OOSP1: variants seen among roughly 807,000 people sequenced by gnomAD.
OOSP1 encodes oocyte secreted protein 1, also known as putative oocyte-secreted protein 1 homolog.
OOSP1 carries 11 observed loss-of-function variants against 5.7 expected under a neutral mutation model. The observed-to-expected ratio is 1.94, with a 90% CI of 1.22 to 3.20. The LOEUF (loss-of-function observed/expected upper bound fraction) is 3.20. Ranked by LOEUF, OOSP1 falls within the 30% of genes most tolerant of loss-of-function variation. The pLI, the probability that OOSP1 is intolerant of heterozygous loss-of-function variation, is 0.00. For synonymous variants in OOSP1, 44 were observed against 20.0 expected (o/e 2.20, Z -3.20); for missense variants, 83 against 54.1 (o/e 1.53, Z -1.67).
intron 4 of OOSP1, among the ~76,000 whole-genome samples, chr11:59,956,912 C>T (rs2134577910): frequency 6.6e-6 from 1 of 151,492 alleles, no homozygotes; most frequent in South Asian, 2.1e-4. Flanking sequence ...GAGTAGTATT[C>T]CATTATATAT....
At chr11:59,948,468 A>G (rs948490134) in intron 4 of OOSP1, among the ~76,000 whole-genome samples, 9 of 152,224 alleles carry the variant, frequency 5.9e-5, no homozygotes, top group African/African-American at 2.2e-4. Flanking sequence ...CTTAGAGGGC[A>G]AAAGTATCCT....
At chr11:59,943,453 C>G (rs1435554096) in intron 2 of OOSP1, among the ~76,000 whole-genome samples, 1 of 152,106 alleles carries the variant, frequency 6.6e-6, no homozygotes, top group South Asian at 2.1e-4. Flanking sequence ...TATGGCTAGA[C>G]TCTTTAATGA....
chr11:59,950,871 G>A (rs1013856649), intron 4 of OOSP1, among the ~76,000 whole-genome samples: 3 of 151,890 alleles, frequency 2.0e-5, no homozygotes, highest in African/African-American at 7.3e-5. Flanking sequence ...TATAAGATAA[G>A]TACCTGCACA....
intron 1 of OOSP1, among the ~76,000 whole-genome samples, chr11:59,939,711 CCTCTTT>C (rs1248691190): frequency 3.3e-5 from 5 of 151,106 alleles, no homozygotes; most frequent in Admixed American, 6.6e-5. Context: ...CTCTTCCCTT[CCTCTTT>C]CTCTTTCTCT....
chr11:59,946,086 G>T (rs192171792), intron 3 of OOSP1, among the ~76,000 whole-genome samples: 1 of 152,142 alleles, frequency 6.6e-6, no homozygotes. Context: ...GTGGTCCCTT[G>T]CCTGTCAGGA....
At chr11:59,950,071 T>A (rs1853923867) in intron 4 of OOSP1, among the ~76,000 whole-genome samples, 1 of 152,140 alleles carries the variant, frequency 6.6e-6, no homozygotes, top group Admixed American at 6.6e-5. Context: ...AGATGTAGCA[T>A]GGATTTCATA....
chr11:59,939,786 C>CTTTTGT (rs1853806791), intron 1 of OOSP1, among the ~76,000 whole-genome samples: 2 of 149,672 alleles, frequency 1.3e-5, no homozygotes, highest in South Asian at 4.2e-4. Flanking sequence ...CTTTCTCTTT[C>CTTTTGT]TTTTCTTTTT....
intron 4 of OOSP1, among the ~76,000 whole-genome samples, chr11:59,954,598 C>A (rs1234874465): frequency 6.6e-6 from 1 of 151,938 alleles, no homozygotes; most frequent in Non-Finnish European, 1.5e-5. Context: ...GAAGTTCAGT[C>A]CATTTTCCAC....
chr11:59,945,540 G>A (rs1785048189), intron 3 of OOSP1, among the ~76,000 whole-genome samples: 1 of 151,188 alleles, frequency 6.6e-6, no homozygotes, highest in Non-Finnish European at 1.5e-5. Flanking sequence ...AGAAGATCGG[G>A]ACCATCCTGG....
intron 1 of OOSP1, among the ~76,000 whole-genome samples, chr11:59,941,446 C>T (rs1853824086): frequency 1.3e-5 from 2 of 151,888 alleles, no homozygotes; most frequent in African/African-American, 2.4e-5. Flanking sequence ...GTGGCACCAT[C>T]TCGGCTCACT....
intron 4 of OOSP1, chr11:59,948,679 T>G (rs1261152075): frequency 2.5e-6 from 1 of 397,718 alleles, no homozygotes; most frequent in Non-Finnish European, 4.4e-6. Context: ...GACGTATATT[T>G]TACTGTCTTT....
chr11:59,955,437 C>A (rs1429805946), intron 4 of OOSP1, among the ~76,000 whole-genome samples: 2 of 151,776 alleles, frequency 1.3e-5, no homozygotes, highest in Non-Finnish European at 2.9e-5. Context: ...GTAAGATATT[C>A]AGGGAAAATA....
rs67604320 is a variant in OOSP1 at position 59,945,750 on chromosome 11, C to CAA, written c.356+510_356+511dup. 7.1e-3 allele frequency among the ~76,000 whole-genome samples: 326 copies of CAA among 45,824 alleles called. 37 individuals are homozygous for CAA. Among genetic ancestry groups the CAA allele is most frequent in the African/African-American group, 0.012 (119 of 10,220 alleles). 30.1% of individuals were successfully genotyped at this position (45,824 alleles called of 152,430 possible). A position where few individuals can be genotyped will look rare whatever the true frequency, so the allele number is the denominator to read the frequency against. On this transcript the variant is annotated intron_variant, in intron 3 of 4. Transcript: ENST00000646685. ...TGGGTGACAGAGCGAGACTCTGTCTCAAAAAAAAAAAAAAAAAAAAAAAAA... is the reference window on the plus strand; with the variant it reads ...TGGGTGACAGAGCGAGACTCTGTCTCAAAAAAAAAAAAAAAAAAAAAAAAAAA...
At chr11:59,952,769 G>A (rs977717423) in intron 4 of OOSP1, among the ~76,000 whole-genome samples, 1 of 152,018 alleles carries the variant, frequency 6.6e-6, no homozygotes, top group African/African-American at 2.4e-5. Flanking sequence ...AAAATCACTT[G>A]TACCCCCAAA....
intron 4 of OOSP1, among the ~76,000 whole-genome samples, chr11:59,956,854 C>A (rs910295836): frequency 1.3e-5 from 2 of 152,124 alleles, no homozygotes; most frequent in Non-Finnish European, 2.9e-5. Context: ...AGTTTCCAAT[C>A]TCATCCAAGT....
rs139960893 is a variant in OOSP1, at chr11:59,950,261, T to C, written c.486+2399T>C. Among the ~76,000 whole-genome samples the C allele has an allele frequency of 1.8e-4, 28 of 152,288 alleles. 1 individual carries two copies. The highest frequency in any genetic ancestry group is 3.5e-4 in the Non-Finnish European group (24 of 68,016). ...TATTTTGAAAATGCCATGTTTAAGA[T>C]GCTGCTTAGATCTCCAAGAGGAGAG... On this transcript the variant is annotated intron_variant, in intron 4 of 4. Transcript: ENST00000646685.
At position 59,943,956 on chromosome 11, in the gene OOSP1, T is replaced by A. The variant is rs367958233; in HGVS notation, c.258+928T>A. 1.8e-4 allele frequency among the ~76,000 whole-genome samples: 28 copies of A among 152,308 alleles called. 1 individual carries two copies. The South Asian group carries it at 5.6e-3, about 30-fold the overall frequency. On this transcript the variant is annotated intron_variant, in intron 2 of 4. Transcript: ENST00000646685. ...TCAGGTTTAGATAAATTCCACAGAT[T>A]GGGTAACACAGAAAGCAAAAGCAAA...
chr11:59,948,775 C>G (rs1488009543), intron 4 of OOSP1: 4 of 397,900 alleles, frequency 1.0e-5, no homozygotes, highest in African/African-American at 2.1e-5. Context: ...CTGTTCTGTC[C>G]CCTTTGATAT....
chr11:59,944,889 G>A (rs1853865880), intron 2 of OOSP1, among the ~76,000 whole-genome samples: 1 of 152,178 alleles, frequency 6.6e-6, no homozygotes, highest in Non-Finnish European at 1.5e-5. Flanking sequence ...CTCAAAAAGA[G>A]GTGTCAATTG....
Sources: allele counts gnomAD v4.1 joint callset (sites outside exome capture counted in the v4.1 genomes callset), GRCh38; gene constraint gnomAD v4.1.1; transcripts MANE v1.5; gene names NCBI Gene and HGNC (gene_info 2026-07-23, HGNC 2026-07-21).